FAM13A: variants seen among roughly 807,000 people sequenced by gnomAD.
FAM13A encodes protein FAM13A.
FAM13A carries 76 observed loss-of-function variants against 129.6 expected under a neutral mutation model. The observed-to-expected ratio is 0.59, with a 90% confidence interval of 0.49 to 0.71. FAM13A has a LOEUF of 0.71. FAM13A is among the 30% of genes least tolerant of loss of function. The pLI, the probability that FAM13A is intolerant of heterozygous loss-of-function variation, is 0.00. For missense variants in FAM13A, 1,108 were observed against 1,249.3 expected (o/e 0.89, Z 1.70); for synonymous variants, 443 against 449.9 (o/e 0.98, Z 0.20).
At chr4:88,819,572 C>A (rs1236383018) in intron 7 of FAM13A, among the ~76,000 whole-genome samples, 5 of 152,046 alleles carry the variant, frequency 3.3e-5, no homozygotes, top group Non-Finnish European at 5.9e-5. Flanking sequence ...GTACAAAGAG[C>A]CTGTGGTACA....
At chr4:88,825,641 A>C (rs1394870002) in intron 7 of FAM13A, among the ~76,000 whole-genome samples, 1 of 152,206 alleles carries the variant, frequency 6.6e-6, no homozygotes, top group Non-Finnish European at 1.5e-5. Context: ...ATAGACATAA[A>C]AGCTCAATAA....
In FAM13A at chr4:88,750,528, G is replaced by T. The variant is rs138873294; in HGVS notation, c.1836C>A (p.Ser612Arg). The T allele has an allele frequency of 1.2e-6, 2 of 1,614,140 alleles. No homozygotes were observed. Among genetic ancestry groups the T allele is most frequent in the Non-Finnish European group, 1.7e-6 (2 of 1,180,000 alleles). ...AGAACCGAGGAGAGAGCATGGGGTC[G>T]CTGTCTTCGTCCAGCAGCTGACGGA... is the stretch of plus-strand genomic sequence containing the variant. ...RLIRQLLDEDSDPMLSPRFYA... is the reference protein window; with the variant it reads ...RLIRQLLDEDRDPMLSPRFYA... The change falls in exon 15 of 24, where the codon AGC becomes AGA. Residue 612 changes from serine (S) to arginine (R), a missense_variant. This residue lies in a region of FAM13A where 529 missense variants were observed against 621.2 expected (regional missense o/e 0.85). Coordinates refer to ENST00000264344, the MANE Select transcript of FAM13A (RefSeq NM_014883.4).
intron 4 of FAM13A, among the ~76,000 whole-genome samples, chr4:88,957,527 A>C (rs1225842078): frequency 6.6e-6 from 1 of 152,198 alleles, no homozygotes; most frequent in Non-Finnish European, 1.5e-5. Flanking sequence ...TCTTTATAGC[A>C]ATGCAAGAAC....
chr4:88,953,722 AGTAT>A (rs1397950857), intron 4 of FAM13A, among the ~76,000 whole-genome samples: 1 of 152,164 alleles, frequency 6.6e-6, no homozygotes, highest in Non-Finnish European at 1.5e-5. Context: ...GGAATCACAC[AGTAT>A]GTGTCTTTTT....
At chr4:88,958,420 T>G (rs1758107134) in intron 4 of FAM13A, among the ~76,000 whole-genome samples, 1 of 152,224 alleles carries the variant, frequency 6.6e-6, no homozygotes, top group African/African-American at 2.4e-5. Flanking sequence ...CACTGCTCAC[T>G]GCATCTCAGC....
chr4:88,846,699 T>C (rs1017022032), intron 7 of FAM13A, among the ~76,000 whole-genome samples: 1 of 152,216 alleles, frequency 6.6e-6, no homozygotes, highest in African/African-American at 2.4e-5. Flanking sequence ...TTACAAATCA[T>C]AAAACCCACC....
At chr4:89,027,452 A>G (rs1768110884) in intron 2 of FAM13A, among the ~76,000 whole-genome samples, 1 of 151,988 alleles carries the variant, frequency 6.6e-6, no homozygotes, top group Admixed American at 6.5e-5. Flanking sequence ...TGAGGCTGCA[A>G]TGAGTTATGA....
chr4:88,917,080 A>T (rs1441398823), intron 5 of FAM13A, among the ~76,000 whole-genome samples: 1 of 152,200 alleles, frequency 6.6e-6, no homozygotes, highest in East Asian at 1.9e-4. Flanking sequence ...CATGGATGCC[A>T]AATTAATTTT....
At chr4:88,819,176 GA>G (rs111644817) in intron 7 of FAM13A, among the ~76,000 whole-genome samples, 4,182 of 152,080 alleles carry the variant, frequency 0.027, 193 homozygotes, top group African/African-American at 0.095. Flanking sequence ...TTTGCTACAT[GA>G]AAAAAATAAT....
chr4:88,933,105 A>G (rs935013315), intron 5 of FAM13A, among the ~76,000 whole-genome samples: 1 of 152,198 alleles, frequency 6.6e-6, no homozygotes, highest in Admixed American at 6.5e-5. Context: ...ATATGCTCTG[A>G]AGACAACTTT....
At chr4:88,923,776 G>A (rs1751577244) in intron 5 of FAM13A, among the ~76,000 whole-genome samples, 1 of 152,146 alleles carries the variant, frequency 6.6e-6, no homozygotes, top group Non-Finnish European at 1.5e-5. Flanking sequence ...CCTGTTTGCA[G>A]ATGACATGAT....
intron 4 of FAM13A, among the ~76,000 whole-genome samples, chr4:88,953,798 G>C (rs1203745225): frequency 3.3e-5 from 5 of 152,082 alleles, no homozygotes. Flanking sequence ...CCTTTGTATG[G>C]CTGAAAAATA....
intron 8 of FAM13A, among the ~76,000 whole-genome samples, chr4:88,801,818 A>G (rs1451469106): frequency 2.0e-5 from 3 of 152,082 alleles, no homozygotes; most frequent in Admixed American, 2.0e-4. Flanking sequence ...GGACCATGAA[A>G]GTGGTGTAGG....
At chr4:89,030,018 G>A (rs1768481281) in intron 1 of FAM13A, 2 of 172,212 alleles carry the variant, frequency 1.2e-5, no homozygotes, top group East Asian at 1.7e-4. Flanking sequence ...CTGAAACAAT[G>A]AGATGTTTCT....
intron 4 of FAM13A, among the ~76,000 whole-genome samples, chr4:88,972,599 C>G (rs1301115606): frequency 6.6e-6 from 1 of 152,026 alleles, no homozygotes; most frequent in African/African-American, 2.4e-5. Context: ...CTGCACCCAG[C>G]CCCTCCTTCA....
rs530448730 is a variant in FAM13A, at chr4:88,962,769, A to C, written c.606-24528T>G. Among the ~76,000 whole-genome samples the C allele has an allele frequency of 2.6e-5, 4 of 152,360 alleles. No homozygotes were observed. In the South Asian group the frequency reaches 8.3e-4, roughly 32 times the overall value. ...TTTCTGGCCACTGAAATGTGAGTGC[A>C]TAATAGTCCCAAATTGACAGCAATC... On this transcript the variant is annotated intron_variant, in intron 4 of 23. Transcript: ENST00000264344.
chr4:88,794,398 C>A (rs991968022), intron 8 of FAM13A, among the ~76,000 whole-genome samples: 10 of 151,812 alleles, frequency 6.6e-5, no homozygotes, highest in African/African-American at 2.4e-4. Flanking sequence ...TAGCAAAACC[C>A]AAACTATATT....
chr4:88,992,204 T>C (rs757325252), intron 3 of FAM13A, among the ~76,000 whole-genome samples: 3 of 152,142 alleles, frequency 2.0e-5, no homozygotes, highest in Non-Finnish European at 4.4e-5. Context: ...GCTATCATAA[T>C]AGTCCTGAAT....
intron 4 of FAM13A, among the ~76,000 whole-genome samples, chr4:88,985,972 G>A (rs756542460): frequency 2.0e-5 from 3 of 151,882 alleles, no homozygotes; most frequent in Non-Finnish European, 4.4e-5. Flanking sequence ...TACACAAAAT[G>A]TAACTACATA....
Sources: allele counts gnomAD v4.1 joint callset (sites outside exome capture counted in the v4.1 genomes callset), GRCh38; gene constraint gnomAD v4.1.1; regional missense constraint gnomAD v4.1.1; transcripts MANE v1.5; gene names NCBI Gene and HGNC (gene_info 2026-07-23, HGNC 2026-07-21).